PSAP: variants seen among roughly 807,000 people sequenced by gnomAD.
The protein encoded by PSAP is precursor of saposins.
Under a neutral mutation model 66.0 loss-of-function variants are expected in PSAP, and 25 were observed. That is an observed-to-expected ratio of 0.38 (90% CI 0.28 to 0.53). PSAP has a LOEUF of 0.53. Among genes scored for constraint, PSAP ranks in the 20% least tolerant of loss-of-function variants. PSAP has a pLI of 0.83. For synonymous variants in PSAP, 273 were observed against 258.9 expected (o/e 1.05, Z -0.52); for missense variants, 649 against 668.8 (o/e 0.97, Z 0.33).
chr10:71,833,037 A>AAAAAAAAAAAAAAAAG (rs1842551697), intron 2 of PSAP, among the ~76,000 whole-genome samples: 1 of 135,124 alleles, frequency 7.4e-6, no homozygotes, highest in Non-Finnish European at 1.6e-5. Flanking sequence ...AAAAACAAAA[A>AAAAAAAAAAAAAAAAG]ACAAAAACAG....
intron 1 of PSAP, among the ~76,000 whole-genome samples, chr10:71,846,425 TA>T (rs397943634): frequency 0.016 from 1,796 of 115,830 alleles, 20 homozygotes; most frequent in African/African-American, 0.033. Flanking sequence ...TTAAAGCCCT[TA>T]AAAAAAAAAA....
chr10:71,825,948 C>T, intron 6 of PSAP, 55 bp from the exon 7 acceptor site: 11 of 1,498,552 alleles, frequency 7.3e-6, no homozygotes, highest in Non-Finnish European at 1.0e-5. Context: ...GCACCAAAAC[C>T]CAACCAACAA....
At chr10:71,828,669 T>A (rs949167033) in intron 5 of PSAP, among the ~76,000 whole-genome samples, 1 of 152,098 alleles carries the variant, frequency 6.6e-6, no homozygotes, top group Non-Finnish European at 1.5e-5. Flanking sequence ...TAAATTTTTT[T>A]AAAGGGGATT....
intron 7 of PSAP, chr10:71,823,840 T>C (rs1564817340): frequency 3.3e-6 from 4 of 1,225,488 alleles, no homozygotes; most frequent in Admixed American, 5.5e-5. Flanking sequence ...GCAAAGTAAC[T>C]AGAGGAAGCA....
chr10:71,849,102 G>T (rs1226964521), intron 1 of PSAP, among the ~76,000 whole-genome samples: 1 of 152,058 alleles, frequency 6.6e-6, no homozygotes, highest in African/African-American at 2.4e-5. Flanking sequence ...AATGGATAAT[G>T]TAAAAAGAAA....
At chr10:71,820,738 G>T (rs934226396) in intron 8 of PSAP, among the ~76,000 whole-genome samples, 16 of 152,212 alleles carry the variant, frequency 1.1e-4, no homozygotes, top group African/African-American at 3.4e-4. Context: ...CCACTATCTA[G>T]AAGACAGAAT....
chr10:71,828,824 T>C, intron 5 of PSAP, 53 bp downstream of exon 5: 1 of 1,599,768 alleles, frequency 6.3e-7, no homozygotes, highest in Non-Finnish European at 8.6e-7. Context: ...CTTTGGTCTC[T>C]CATCTCCAGT....
chr10:71,849,347 C>T (rs1206921776), intron 1 of PSAP, among the ~76,000 whole-genome samples: 3 of 152,226 alleles, frequency 2.0e-5, no homozygotes, highest in Non-Finnish European at 2.9e-5. Context: ...TGCATCAACC[C>T]TGTCATCCAC....
intron 1 of PSAP, among the ~76,000 whole-genome samples, chr10:71,847,441 G>A (rs943340560): frequency 4.6e-5 from 7 of 152,168 alleles, no homozygotes; most frequent in South Asian, 2.1e-4. Context: ...CTAGCTACTC[G>A]GGAGGCAGAG....
Position 71,816,678 on chromosome 10 carries a change from T to C in PSAP, c.*763A>G, listed in dbSNP as rs958592746. The C allele has an allele frequency of 2.1e-5, 7 of 325,944 alleles. No homozygotes were observed. Among genetic ancestry groups the C allele is most frequent in the East Asian group, 7.7e-5 (1 of 12,968 alleles). The allele number at this position is 325,944 out of a possible 1,614,324, so 20.2% of individuals were successfully genotyped here. A position where few individuals can be genotyped will look rare whatever the true frequency, so the allele number is the denominator to read the frequency against. The stretch of plus-strand genomic sequence containing the variant: ...CGAGCAGGCACAGCGCGGCCACCAC[T>C]GTCCACACGCTCACACAAGCCAGGC... On this transcript the variant is annotated 3_prime_UTR_variant, in exon 14 of 14. Transcript: ENST00000394936.
chr10:71,822,246 A>T (rs1210820937), intron 7 of PSAP: 1 of 568,634 alleles, frequency 1.8e-6, no homozygotes, highest in East Asian at 3.1e-5. Flanking sequence ...CCTAAGGAAC[A>T]TCAAACAGAG....
chr10:71,843,596 T>G (rs1292185644), intron 1 of PSAP, among the ~76,000 whole-genome samples: 1 of 152,244 alleles, frequency 6.6e-6, no homozygotes, highest in Non-Finnish European at 1.5e-5. Context: ...GGCCAGAATT[T>G]ACAATTTTTA....
chr10:71,829,526 C>T (rs551957463), intron 4 of PSAP, among the ~76,000 whole-genome samples: 1 of 152,198 alleles, frequency 6.6e-6, no homozygotes, highest in South Asian at 2.1e-4. Context: ...TGGCTTTGCT[C>T]CTCCTTCACC....
intron 6 of PSAP, among the ~76,000 whole-genome samples, chr10:71,826,403 T>A (rs1022338505): frequency 6.6e-6 from 1 of 152,236 alleles, no homozygotes; most frequent in Non-Finnish European, 1.5e-5. Flanking sequence ...GCTCCTTGTA[T>A]TTGGGGAGCT....
chr10:71,843,019 A>G (rs1204606721), intron 1 of PSAP, among the ~76,000 whole-genome samples: 1 of 152,170 alleles, frequency 6.6e-6, no homozygotes, highest in Non-Finnish European at 1.5e-5. Context: ...ACTGCCGCAC[A>G]TGCTGCAGAC....
intron 3 of PSAP, among the ~76,000 whole-genome samples, chr10:71,831,482 G>C (rs1410590628): frequency 6.6e-6 from 1 of 152,180 alleles, no homozygotes; most frequent in Non-Finnish European, 1.5e-5. Context: ...CGCAGGCACA[G>C]GGAATTCTAA....
chr10:71,829,340 C>T (rs1363887272), intron 4 of PSAP, among the ~76,000 whole-genome samples: 1 of 152,198 alleles, frequency 6.6e-6, no homozygotes, highest in African/African-American at 2.4e-5. Context: ...CAAATCTCAT[C>T]TTGAACTGTA....
intron 1 of PSAP, among the ~76,000 whole-genome samples, chr10:71,843,784 A>T (rs1028166175): frequency 2.0e-5 from 3 of 152,230 alleles, no homozygotes; most frequent in African/African-American, 7.2e-5. Flanking sequence ...GAACCAAAAA[A>T]TGAGATTAGT....
intron 1 of PSAP, among the ~76,000 whole-genome samples, chr10:71,847,094 T>C (rs1842837644): frequency 6.6e-6 from 1 of 152,126 alleles, no homozygotes; most frequent in Non-Finnish European, 1.5e-5. Flanking sequence ...AGTTCTCCTT[T>C]CCCTCATCTA....
Sources: gnomAD v4.1 joint callset for allele counts (sites outside exome capture counted in the v4.1 genomes callset) on GRCh38, gnomAD v4.1.1 for gene constraint, MANE v1.5 for transcripts, NCBI Gene and HGNC (gene_info 2026-07-23, HGNC 2026-07-21) for gene names.